Variants in GREM2 observed in about 807,000 individuals in gnomAD.
GREM2 encodes gremlin 2, DAN family BMP antagonist, also known as gremlin-2.
GREM2 carries 11 observed loss-of-function variants against 14.2 expected under a neutral mutation model. The observed-to-expected ratio is 0.78, with a 90% CI of 0.49 to 1.28. The LOEUF is 1.28. Among genes scored for constraint, GREM2 ranks in the 50% most tolerant of loss-of-function variants. The pLI is 0.00. For missense variants in GREM2, 210 were observed against 218.5 expected (o/e 0.96, Z 0.24); for synonymous variants, 98 against 97.6 (o/e 1.00, Z -0.02).
At chr1:240,496,109 G>A (rs1437167253) in intron 1 of GREM2, among the ~76,000 whole-genome samples, 1 of 152,040 alleles carries the variant, frequency 6.6e-6, no homozygotes, top group East Asian at 1.9e-4. Context: ...GCTAATTTTT[G>A]TATTTTTAGT....
At chr1:240,564,683 C>A (rs77248968) in intron 1 of GREM2, among the ~76,000 whole-genome samples, 5,306 of 152,144 alleles carry the variant, frequency 0.035, 204 homozygotes, top group African/African-American at 0.092. Context: ...CAGGGCCTGA[C>A]AATATATGCA....
chr1:240,571,111 C>A (rs1168327056), intron 1 of GREM2, among the ~76,000 whole-genome samples: 1 of 152,136 alleles, frequency 6.6e-6, no homozygotes, highest in Non-Finnish European at 1.5e-5. Flanking sequence ...ATCTCAAATT[C>A]ATGCGAATAG....
At chr1:240,586,568 G>A (rs986907771) in intron 1 of GREM2, among the ~76,000 whole-genome samples, 1 of 152,152 alleles carries the variant, frequency 6.6e-6, no homozygotes, top group Non-Finnish European at 1.5e-5. Flanking sequence ...AAGGAAGGAA[G>A]TGGACCCTGG....
intron 1 of GREM2, chr1:240,530,411 C>T (rs3748540): frequency 0.65 from 98,167 of 151,938 alleles, 31,965 homozygotes; most frequent in Admixed American, 0.72. Context: ...CTCATCATTT[C>T]TGGTTCGCAC....
chr1:240,533,605 G>A (rs1032219273), intron 1 of GREM2, among the ~76,000 whole-genome samples: 3 of 152,202 alleles, frequency 2.0e-5, no homozygotes, highest in Non-Finnish European at 4.4e-5. Flanking sequence ...GTAGAAGTAG[G>A]ACAAAGTGAT....
At chr1:240,549,682 T>A (rs1196539768) in intron 1 of GREM2, among the ~76,000 whole-genome samples, 1 of 152,006 alleles carries the variant, frequency 6.6e-6, no homozygotes, top group Non-Finnish European at 1.5e-5. Context: ...GAATGAGAGA[T>A]CCCTGAAGCT....
At chr1:240,586,001 A>G (rs982334096) in intron 1 of GREM2, among the ~76,000 whole-genome samples, 5 of 151,740 alleles carry the variant, frequency 3.3e-5, no homozygotes, top group South Asian at 2.1e-4. Flanking sequence ...AAAGAATCTT[A>G]CTATATTTAA....
At chr1:240,602,930 G>C (rs920527518) in intron 1 of GREM2, among the ~76,000 whole-genome samples, 1 of 151,908 alleles carries the variant, frequency 6.6e-6, no homozygotes, top group Non-Finnish European at 1.5e-5. Context: ...AATACTAGCC[G>C]GGTGTGGTGG....
chr1:240,519,926 C>T (rs913714121), intron 1 of GREM2, among the ~76,000 whole-genome samples: 1 of 151,730 alleles, frequency 6.6e-6, no homozygotes, highest in Non-Finnish European at 1.5e-5. Context: ...ACTAAAAATA[C>T]AAAATTAGCT....
chr1:240,533,177 G>A (rs1363635203), intron 1 of GREM2, among the ~76,000 whole-genome samples: 1 of 152,186 alleles, frequency 6.6e-6, no homozygotes, highest in African/African-American at 2.4e-5. Context: ...TGGGAGTAGA[G>A]ACTGGGAAAA....
chr1:240,564,040 C>T (rs1679122884), intron 1 of GREM2, among the ~76,000 whole-genome samples: 1 of 151,680 alleles, frequency 6.6e-6, no homozygotes, highest in East Asian at 2.0e-4. Flanking sequence ...TGAGACCCTA[C>T]CTCTACAAAA....
intron 1 of GREM2, among the ~76,000 whole-genome samples, chr1:240,570,728 A>AC (rs1418798061): frequency 2.0e-5 from 3 of 152,158 alleles, no homozygotes; most frequent in African/African-American, 7.2e-5. Flanking sequence ...TTTGTTCATT[A>AC]CCCCCAATAA....
chr1:240,564,764 C>G (rs1300038560), intron 1 of GREM2, among the ~76,000 whole-genome samples: 2 of 152,306 alleles, frequency 1.3e-5, no homozygotes, highest in African/African-American at 4.8e-5. Context: ...TATTGAATGT[C>G]TTTCCATTCC....
chr1:240,493,052 G>T lies in GREM2; in HGVS notation c.424C>A (p.Pro142Thr). Residue 142 changes from proline (P) to threonine (T), a missense_variant, in exon 2 of 2, where the codon CCA (proline) becomes ACA (threonine). Physicochemically the swap from Pro to Thr is conservative, Grantham distance 38. Transcript: ENST00000318160. The stretch of plus-strand genomic sequence containing the variant: ...TGGATTTTCTTGAGTCGGAAGGGTG[G>T]GTCCAGGCCGGGGCACTCGAGCTCC... ...LVELECPGLD[P>T]PFRLKKIQKV... 6.2e-7 allele frequency: 1 copy of T among 1,607,410 alleles called. No individual in the cohort carries two copies. Among genetic ancestry groups the T allele is most frequent in the Non-Finnish European group, 8.5e-7 (1 of 1,174,726 alleles).
At chr1:240,526,637 C>T (rs1678228516) in intron 1 of GREM2, among the ~76,000 whole-genome samples, 1 of 152,198 alleles carries the variant, frequency 6.6e-6, no homozygotes. Context: ...CACTCTCTGA[C>T]CCCCATCTGT....
intron 1 of GREM2, among the ~76,000 whole-genome samples, chr1:240,590,251 C>A (rs1408488600): frequency 1.3e-5 from 2 of 152,128 alleles, no homozygotes; most frequent in African/African-American, 4.8e-5. Context: ...AACATCAGAG[C>A]TCTTTACCTT....
At chr1:240,519,896 C>T (rs1678039890) in intron 1 of GREM2, among the ~76,000 whole-genome samples, 1 of 152,060 alleles carries the variant, frequency 6.6e-6, no homozygotes, top group African/African-American at 2.4e-5. Flanking sequence ...GCCTGACCAA[C>T]ATGGAGAAAT....
chr1:240,492,206 T>A lies in GREM2; in HGVS notation c.*763A>T. 1 of 453,350 alleles carries A rather than the reference T, an allele frequency of 2.2e-6. No homozygotes were observed. Among genetic ancestry groups the A allele is most frequent in the Non-Finnish European group, 4.4e-6 (1 of 224,950 alleles). 28.1% of individuals were successfully genotyped at this position (453,350 alleles called of 1,614,324 possible). On this transcript the variant is annotated 3_prime_UTR_variant, in exon 2 of 2. Coordinates refer to ENST00000318160, the MANE Select transcript of GREM2 (RefSeq NM_022469.4). The stretch of plus-strand genomic sequence containing the variant: ...CCTTTGTGTGTGATAATATTCTAAT[T>A]GCAGCAATAATAGCATGCACACCAG...
At chr1:240,541,780 G>A (rs1572390148) in intron 1 of GREM2, among the ~76,000 whole-genome samples, 1 of 151,946 alleles carries the variant, frequency 6.6e-6, no homozygotes, top group Admixed American at 6.6e-5. Flanking sequence ...AGCAAGACAA[G>A]CAAGTGGCTT....
Sources: allele counts gnomAD v4.1 joint callset (sites outside exome capture counted in the v4.1 genomes callset), GRCh38; gene constraint gnomAD v4.1.1; transcripts MANE v1.5; gene names NCBI Gene and HGNC (gene_info 2026-07-23, HGNC 2026-07-21).